Variants in TAFA1 observed in about 807,000 individuals in gnomAD.
The protein encoded by TAFA1 is chemokine-like protein TAFA-1.
A neutral mutation model predicts 18.5 loss-of-function variants in TAFA1; 4 were observed. The observed-to-expected ratio is 0.22, with a 90% CI of 0.11 to 0.49. The LOEUF (loss-of-function observed/expected upper bound fraction) is 0.49, where lower values mean the gene tolerates loss of function less well. Ranked by LOEUF, TAFA1 falls within the 20% of genes least tolerant of loss-of-function variation. The pLI, the probability that TAFA1 is intolerant of heterozygous loss-of-function variation, is 0.98. For missense variants in TAFA1, 147 were observed against 169.0 expected, an observed-to-expected ratio of 0.87 and a Z score of 0.72; for synonymous variants, 56 against 55.2, an observed-to-expected ratio of 1.01 and a Z score of -0.06.
intron 2 of TAFA1, among the ~76,000 whole-genome samples, chr3:68,071,553 G>A (rs1315126764): frequency 6.6e-6 from 1 of 152,180 alleles, no homozygotes; most frequent in Non-Finnish European, 1.5e-5. Context: ...ATTTGAAACA[G>A]AACTCTGGAG....
At chr3:68,402,172 G>A (rs1041734226) in intron 2 of TAFA1, among the ~76,000 whole-genome samples, 3 of 152,070 alleles carry the variant, frequency 2.0e-5, no homozygotes, top group African/African-American at 4.8e-5. Flanking sequence ...AGGATTTCCG[G>A]TATAACTAAT....
In TAFA1 at chr3:68,439,324, A is replaced by G. The variant is rs1575867791; in HGVS notation, c.259+21904A>G. 2.7e-5 allele frequency among the ~76,000 whole-genome samples: 4 copies of G among 149,682 alleles called. No individual in the cohort carries two copies. In the East Asian group the frequency reaches 7.9e-4, roughly 29 times the overall value. ...AGAAATTTCTTCTGCCACATACCCT[A>G]GTATATCACTCTTGAGTTTGGCCTT... On this transcript the variant is annotated intron_variant, in intron 3 of 4. Coordinates refer to ENST00000478136, the MANE Select transcript of TAFA1 (RefSeq NM_213609.4).
chr3:68,309,501 C>T (rs1228535824), intron 2 of TAFA1, among the ~76,000 whole-genome samples: 1 of 152,062 alleles, frequency 6.6e-6, no homozygotes, highest in Non-Finnish European at 1.5e-5. Context: ...ATTACAAAGC[C>T]ATGTAATTAG....
chr3:68,238,666 T>A (rs963457444), intron 2 of TAFA1, among the ~76,000 whole-genome samples: 2 of 152,216 alleles, frequency 1.3e-5, no homozygotes, highest in African/African-American at 2.4e-5. Context: ...ATCCTTTCCT[T>A]TGCCAAATTG....
chr3:68,434,522 G>A (rs2071235900), intron 3 of TAFA1, among the ~76,000 whole-genome samples: 1 of 151,978 alleles, frequency 6.6e-6, no homozygotes, highest in Non-Finnish European at 1.5e-5. Context: ...CATGTGCTGT[G>A]AATTTTTTTC....
intron 2 of TAFA1, among the ~76,000 whole-genome samples, chr3:68,154,448 G>T (rs2065842649): frequency 6.6e-6 from 1 of 152,156 alleles, no homozygotes; most frequent in East Asian, 1.9e-4. Context: ...TATTACTGGG[G>T]CTTCCTTTTG....
At chr3:68,248,116 T>C (rs1265157854) in intron 2 of TAFA1, among the ~76,000 whole-genome samples, 1 of 152,200 alleles carries the variant, frequency 6.6e-6, no homozygotes, top group African/African-American at 2.4e-5. Context: ...AATAGGGTGA[T>C]TGTGAGCCTT....
chr3:68,039,992 A>G (rs1411036661), intron 2 of TAFA1, among the ~76,000 whole-genome samples: 6 of 152,162 alleles, frequency 3.9e-5, no homozygotes, highest in African/African-American at 1.4e-4. Flanking sequence ...ACATCCCTGC[A>G]TTTATGTTCA....
At chr3:68,006,564 G>C in intron 1 of TAFA1, 60 bp from the exon 2 acceptor site, 1 of 1,093,522 alleles carries the variant, frequency 9.1e-7, no homozygotes. Context: ...CATCAGTGGG[G>C]CTGACTGAGC....
intron 2 of TAFA1, among the ~76,000 whole-genome samples, chr3:68,249,092 C>T: frequency 6.6e-6 from 1 of 152,106 alleles, no homozygotes; most frequent in East Asian, 1.9e-4. Context: ...AATAGGGGCT[C>T]AGCACAACAG....
intron 2 of TAFA1, among the ~76,000 whole-genome samples, chr3:68,295,219 G>C (rs1286119851): frequency 6.6e-6 from 1 of 152,124 alleles, no homozygotes; most frequent in Non-Finnish European, 1.5e-5. Context: ...TAATTATTTA[G>C]GGATTTTGAA....
At chr3:68,203,720 G>A (rs1575677585) in intron 2 of TAFA1, among the ~76,000 whole-genome samples, 1 of 151,762 alleles carries the variant, frequency 6.6e-6, no homozygotes, top group South Asian at 2.1e-4. Flanking sequence ...CTGAAGTTGG[G>A]TACTGTCCTT....
intron 2 of TAFA1, among the ~76,000 whole-genome samples, chr3:68,383,796 A>C (rs532288337): frequency 6.6e-6 from 1 of 151,676 alleles, no homozygotes; most frequent in Admixed American, 6.6e-5. Context: ...CAGCTGTGAA[A>C]CCTTCTGGTC....
chr3:68,274,506 G>C (rs374758495), intron 2 of TAFA1, among the ~76,000 whole-genome samples: 1 of 152,152 alleles, frequency 6.6e-6, no homozygotes, highest in Non-Finnish European at 1.5e-5. Context: ...AGTGTGGTTT[G>C]CAAAAATCGT....
At chr3:68,359,489 T>C (rs1342690211) in intron 2 of TAFA1, among the ~76,000 whole-genome samples, 1 of 151,998 alleles carries the variant, frequency 6.6e-6, no homozygotes, top group African/African-American at 2.4e-5. Context: ...TGCAGTGATA[T>C]GCTGTGAGAA....
At chr3:68,387,061 T>C (rs577603546) in intron 2 of TAFA1, among the ~76,000 whole-genome samples, 1 of 149,578 alleles carries the variant, frequency 6.7e-6, no homozygotes, top group Admixed American at 6.7e-5. Context: ...CTAATTTTAT[T>C]TTTTTTTTTG....
intron 3 of TAFA1, among the ~76,000 whole-genome samples, chr3:68,427,983 C>T (rs1040961542): frequency 2.6e-5 from 4 of 151,930 alleles, no homozygotes; most frequent in Non-Finnish European, 5.9e-5. Flanking sequence ...AACTATGAGT[C>T]CATTATACCT....
At chr3:68,140,751 T>C (rs975312989) in intron 2 of TAFA1, among the ~76,000 whole-genome samples, 3 of 152,196 alleles carry the variant, frequency 2.0e-5, no homozygotes, top group Admixed American at 6.5e-5. Flanking sequence ...CAATAGTCAG[T>C]ATTAAACTTA....
chr3:68,461,497 C>A (rs1044494177), intron 3 of TAFA1, among the ~76,000 whole-genome samples: 1 of 151,220 alleles, frequency 6.6e-6, no homozygotes, highest in Admixed American at 6.6e-5. Context: ...TCTGGCTGTT[C>A]TCACTGAATC....
Sources: gnomAD v4.1 joint callset for allele counts (sites outside exome capture counted in the v4.1 genomes callset) on GRCh38, gnomAD v4.1.1 for gene constraint, MANE v1.5 for transcripts, NCBI Gene and HGNC (gene_info 2026-07-23, HGNC 2026-07-21) for gene names.